CDH13: variants seen among roughly 807,000 people sequenced by gnomAD.
The protein encoded by CDH13 is cadherin-13.
A neutral mutation model predicts 63.8 loss-of-function variants in CDH13; 24 were observed. The ratio of observed to expected loss-of-function variants is 0.38; its 90% CI spans 0.27 to 0.53. The LOEUF is 0.53. Among genes scored for constraint, CDH13 ranks in the 20% least tolerant of loss-of-function variants. The probability of loss-of-function intolerance (pLI) is 0.85; values close to 1 mark genes in which losing one functional copy is unlikely to be tolerated. For synonymous variants in CDH13, 503 were observed against 355.3 expected, an observed-to-expected ratio of 1.42 and a Z score of -4.67; for missense variants, 1,049 against 903.1, an observed-to-expected ratio of 1.16 and a Z score of -2.07.
chr16:82,855,603 A>C (rs1199090650), intron 1 of CDH13, among the ~76,000 whole-genome samples: 1 of 152,192 alleles, frequency 6.6e-6, no homozygotes, highest in Non-Finnish European at 1.5e-5. Context: ...TGTATGTGCC[A>C]CTTGGGATGC....
intron 1 of CDH13, among the ~76,000 whole-genome samples, chr16:82,695,822 A>G (rs1475561482): frequency 6.6e-6 from 1 of 152,238 alleles, no homozygotes. Context: ...TTTGTAAGAC[A>G]GCACATTTAA....
chr16:83,431,048 A>G (rs1315344471), intron 6 of CDH13, among the ~76,000 whole-genome samples: 2 of 144,610 alleles, frequency 1.4e-5, no homozygotes, highest in African/African-American at 2.6e-5. Flanking sequence ...ATTCCCACCT[A>G]TGAGTGAGAG....
intron 8 of CDH13, among the ~76,000 whole-genome samples, chr16:83,612,738 T>G (rs1841985831): frequency 6.6e-6 from 1 of 152,102 alleles, no homozygotes; most frequent in Non-Finnish European, 1.5e-5. Flanking sequence ...ACTTTTGGAC[T>G]CTAACATCAA....
At chr16:82,672,487 A>T (rs1913370289) in intron 1 of CDH13, among the ~76,000 whole-genome samples, 1 of 152,016 alleles carries the variant, frequency 6.6e-6, no homozygotes, top group African/African-American at 2.4e-5. Context: ...TCTATCATTG[A>T]TATTAATATT....
chr16:83,117,803 C>A lies in CDH13; in HGVS notation c.367-7582C>A, dbSNP rs535720276. ...CACCCTCAACCCCTCCCCTGCCCCT[C>A]ACTGTTTCAGGGGTCTCCCCTTTAT... On this transcript the variant is annotated intron_variant, in intron 3 of 13. Transcript: ENST00000567109. Among the ~76,000 whole-genome samples, 4 of 152,052 alleles carry A rather than the reference C, an allele frequency of 2.6e-5. 1 individual carries two copies. The highest frequency in any genetic ancestry group is 9.6e-5 in the African/African-American group (4 of 41,524).
intron 1 of CDH13, among the ~76,000 whole-genome samples, chr16:82,679,568 A>G (rs1914316858): frequency 6.6e-6 from 1 of 152,226 alleles, no homozygotes. Context: ...AGCATAATCT[A>G]GTACATATGA....
At chr16:83,398,943 A>C (rs1180722544) in intron 6 of CDH13, among the ~76,000 whole-genome samples, 1 of 152,246 alleles carries the variant, frequency 6.6e-6, no homozygotes, top group African/African-American at 2.4e-5. Flanking sequence ...ATTTGGAAAT[A>C]GTCTTTATGT....
intron 4 of CDH13, among the ~76,000 whole-genome samples, chr16:83,163,630 C>G (rs923376198): frequency 6.6e-6 from 1 of 152,034 alleles, no homozygotes; most frequent in African/African-American, 2.4e-5. Context: ...CTAGTGCTAG[C>G]CAAAGTGTGT....
At chr16:83,338,184 TAAAAAAAAA>T (rs5818440) in intron 5 of CDH13, among the ~76,000 whole-genome samples, 2 of 135,098 alleles carry the variant, frequency 1.5e-5, no homozygotes, top group East Asian at 4.3e-4. Context: ...CTCTTCTTTT[TAAAAAAAAA>T]AAAAAAAAAA....
At chr16:83,071,414 A>C (rs1324227358) in intron 3 of CDH13, among the ~76,000 whole-genome samples, 4 of 152,190 alleles carry the variant, frequency 2.6e-5, no homozygotes, top group Non-Finnish European at 5.9e-5. Flanking sequence ...CCCAGTTGTA[A>C]ACCTGTGCTC....
In CDH13 at chr16:82,799,627, C is replaced by G. The variant is rs1178068256; in HGVS notation, c.46-58735C>G. Among the ~76,000 whole-genome samples, 3 of 152,172 alleles carry G rather than the reference C, an allele frequency of 2.0e-5. No homozygotes were observed. The East Asian group carries it at 5.8e-4, about 29-fold the overall frequency. ...TAGACCCATTTATTTCCATCAGTGA[C>G]CTTGGGAGATAGTTGGTTCAGCACA... On this transcript the variant is annotated intron_variant, in intron 1 of 13. Coordinates refer to ENST00000567109, the MANE Select transcript of CDH13 (RefSeq NM_001257.5).
At chr16:82,906,732 C>T (rs569431638) in intron 2 of CDH13, among the ~76,000 whole-genome samples, 22 of 152,202 alleles carry the variant, frequency 1.4e-4, no homozygotes, top group African/African-American at 5.1e-4. Flanking sequence ...GGCTGTACTC[C>T]CTCCGAAGGC....
chr16:82,871,075 T>G (rs1417156027), intron 2 of CDH13, among the ~76,000 whole-genome samples: 1 of 152,234 alleles, frequency 6.6e-6, no homozygotes. Context: ...AAGTTTTTGA[T>G]GCTGTCTTGT....
rs565342021 is a variant in CDH13 at position 83,634,568 on chromosome 16, T to C, written c.1101+31974T>C. On this transcript the variant is annotated intron_variant, in intron 8 of 13. Coordinates refer to ENST00000567109, the MANE Select transcript of CDH13 (RefSeq NM_001257.5). ...GATGCCTGCCACCATGCCCAGCTAATTTTTGTATTTTTAGTAGAGACAGGG... is the reference window on the plus strand; with the variant it reads ...GATGCCTGCCACCATGCCCAGCTAACTTTTGTATTTTTAGTAGAGACAGGG... Among the ~76,000 whole-genome samples, 6 of 152,114 alleles carry C rather than the reference T, an allele frequency of 3.9e-5. No individual in the cohort carries two copies. In the East Asian group the frequency reaches 1.2e-3, roughly 29 times the overall value.
chr16:82,765,197 G>C (rs1029922640), intron 1 of CDH13, among the ~76,000 whole-genome samples: 1 of 152,140 alleles, frequency 6.6e-6, no homozygotes, highest in Non-Finnish European at 1.5e-5. Flanking sequence ...ACTTTTTAAA[G>C]AGATGAGTAT....
chr16:83,686,406 A>G (rs1410898927), intron 10 of CDH13, among the ~76,000 whole-genome samples: 2 of 152,206 alleles, frequency 1.3e-5, no homozygotes, highest in African/African-American at 2.4e-5. Flanking sequence ...CAGACTTTCC[A>G]CGGGCCTACA....
chr16:82,635,009 T>C (rs572291471), intron 1 of CDH13, among the ~76,000 whole-genome samples: 34 of 152,306 alleles, frequency 2.2e-4, no homozygotes, highest in African/African-American at 7.0e-4. Flanking sequence ...TCAATAGCAA[T>C]TAATGAATAA....
At chr16:83,234,800 A>G (rs751470928) in intron 5 of CDH13, among the ~76,000 whole-genome samples, 1 of 152,234 alleles carries the variant, frequency 6.6e-6, no homozygotes, top group Non-Finnish European at 1.5e-5. Flanking sequence ...AGCTTAGGAA[A>G]GTGTCTGGAA....
chr16:83,547,742 A>G (rs998271031), intron 7 of CDH13, among the ~76,000 whole-genome samples: 7 of 152,174 alleles, frequency 4.6e-5, no homozygotes, highest in African/African-American at 1.7e-4. Context: ...GCTATAGTGA[A>G]TAGTGCTGCA....
Sources: gnomAD v4.1 joint callset for allele counts (sites outside exome capture counted in the v4.1 genomes callset) on GRCh38, gnomAD v4.1.1 for gene constraint, MANE v1.5 for transcripts, NCBI Gene and HGNC (gene_info 2026-07-23, HGNC 2026-07-21) for gene names.